SLC22A23: variants seen among roughly 807,000 people sequenced by gnomAD.
SLC22A23 encodes the protein solute carrier family 22 member 23, also known as ion transporter protein.
SLC22A23 carries 26 observed loss-of-function variants against 61.0 expected under a neutral mutation model. The observed-to-expected ratio is 0.43, with a 90% CI of 0.31 to 0.59. The LOEUF is 0.59. Among genes scored for constraint, SLC22A23 ranks in the 20% least tolerant of loss-of-function variants. SLC22A23 has a pLI of 0.11. For synonymous variants in SLC22A23, 430 were observed against 413.9 expected, an observed-to-expected ratio of 1.04 and a Z score of -0.47; for missense variants, 796 against 934.7, an observed-to-expected ratio of 0.85 and a Z score of 1.94.
intron 3 of SLC22A23, among the ~76,000 whole-genome samples, chr6:3,374,939 C>G (rs940238695): frequency 6.6e-6 from 1 of 152,132 alleles, no homozygotes; most frequent in African/African-American, 2.4e-5. Flanking sequence ...TTTTAAGAAC[C>G]ATTTCTAAAG....
chr6:3,358,258 A>C (rs1765232198), intron 3 of SLC22A23, among the ~76,000 whole-genome samples: 1 of 151,532 alleles, frequency 6.6e-6, no homozygotes, highest in Admixed American at 6.6e-5. Context: ...ATCTCAAAGC[A>C]CTTGACGTGA....
At chr6:3,302,225 A>G (rs1399093201) in intron 4 of SLC22A23, among the ~76,000 whole-genome samples, 1 of 152,172 alleles carries the variant, frequency 6.6e-6, no homozygotes, top group Admixed American at 6.5e-5. Flanking sequence ...ATTGGCATAT[A>G]GGTATTCATA....
intron 9 of SLC22A23, chr6:3,283,422 A>C (rs1303957253): frequency 3.8e-6 from 1 of 264,634 alleles, no homozygotes; most frequent in Non-Finnish European, 7.6e-6. Flanking sequence ...ATAAGAGTGA[A>C]ACTCCATCTC....
chr6:3,443,297 T>C (rs1771713013), intron 1 of SLC22A23, among the ~76,000 whole-genome samples: 1 of 152,154 alleles, frequency 6.6e-6, no homozygotes, highest in African/African-American at 2.4e-5. Context: ...TGGCCCTGAC[T>C]AGAAGAAATG....
intron 3 of SLC22A23, among the ~76,000 whole-genome samples, chr6:3,382,504 A>T (rs1157609562): frequency 6.6e-6 from 1 of 152,230 alleles, no homozygotes; most frequent in East Asian, 1.9e-4. Flanking sequence ...AGACTGGGCG[A>T]GTCCCCCTGG....
intron 4 of SLC22A23, 133 bp from the exon 5 acceptor site, chr6:3,298,351 G>T: frequency 9.9e-7 from 1 of 1,007,702 alleles, no homozygotes; most frequent in Non-Finnish European, 1.4e-6. Context: ...GCCCAATCAG[G>T]GGAGATAAAA....
At position 3,372,240 on chromosome 6, in the gene SLC22A23, G is replaced by A. The variant is rs147004049; in HGVS notation, c.913+37948C>T. On this transcript the variant is annotated intron_variant, in intron 3 of 9. Coordinates refer to ENST00000406686, the MANE Select transcript of SLC22A23 (RefSeq NM_015482.2). This position sits in a 1 kb window ranked among gnomAD's most constrained non-coding sequence, Gnocchi z 4.7. Reference sequence around the variant, plus strand: ...GGGAAGGGCAAGGAAGTCTGAAGCAGGGTAAACACCATCGGGCCAGTAAAT... The same window carrying A: ...GGGAAGGGCAAGGAAGTCTGAAGCAAGGTAAACACCATCGGGCCAGTAAAT... Among the ~76,000 whole-genome samples, 52 of 152,350 alleles carry A rather than the reference G, an allele frequency of 3.4e-4. No individual in the cohort carries two copies. Among genetic ancestry groups the A allele is most frequent in the Non-Finnish European group, 7.1e-4 (48 of 68,036 alleles).
intron 3 of SLC22A23, among the ~76,000 whole-genome samples, chr6:3,331,932 A>C (rs2127410297): frequency 6.6e-6 from 1 of 152,334 alleles, no homozygotes; most frequent in Middle Eastern, 3.4e-3. Flanking sequence ...AGCACAGCTT[A>C]CCACCCAGGT....
chr6:3,285,737 G>A (rs6914277), intron 7 of SLC22A23, among the ~76,000 whole-genome samples: 4,041 of 152,348 alleles, frequency 0.027, 194 homozygotes, highest in African/African-American at 0.091. Flanking sequence ...AACTGTCCAA[G>A]TTAGAAAGCT....
chr6:3,393,502 G>A (rs1767800938), intron 3 of SLC22A23, among the ~76,000 whole-genome samples: 1 of 152,196 alleles, frequency 6.6e-6, no homozygotes, highest in Admixed American at 6.5e-5. Context: ...CATTTGCCTT[G>A]ATGCTGCAGG....
intron 6 of SLC22A23, 72 bp from the exon 7 acceptor site, chr6:3,287,163 C>T (rs1344870531): frequency 9.8e-6 from 14 of 1,434,960 alleles, no homozygotes; most frequent in East Asian, 4.8e-5. Flanking sequence ...CCTGGGAGTT[C>T]GTGCTGTCAG....
chr6:3,386,688 G>A lies in SLC22A23; in HGVS notation c.913+23500C>T, dbSNP rs1581795673. 6.6e-6 allele frequency among the ~76,000 whole-genome samples: 1 copy of A among 152,222 alleles called. No homozygotes were observed. Among genetic ancestry groups the A allele is most frequent in the East Asian group, 1.9e-4 (1 of 5,190 alleles). On this transcript the variant is annotated intron_variant, in intron 3 of 9. Transcript: ENST00000406686. The surrounding 1 kb of genome is among the most constrained non-coding windows in gnomAD (Gnocchi z 4.4). ...CTACAGATGAAAAGAGTGAATCCAGGACTGCCGGGGACCTGCCCCAGGGTC... is the reference window on the plus strand; with the variant it reads ...CTACAGATGAAAAGAGTGAATCCAGAACTGCCGGGGACCTGCCCCAGGGTC...
At chr6:3,368,085 C>G (rs1006068638) in intron 3 of SLC22A23, among the ~76,000 whole-genome samples, 4 of 152,218 alleles carry the variant, frequency 2.6e-5, no homozygotes, top group African/African-American at 9.7e-5. Context: ...TGGGAAGTCA[C>G]AACCACTCAC....
intron 5 of SLC22A23, among the ~76,000 whole-genome samples, chr6:3,295,232 G>A (rs76614604): frequency 5.8e-4 from 88 of 152,330 alleles, no homozygotes; most frequent in African/African-American, 2.1e-3. Context: ...GGGGAAGCGG[G>A]GAGAAGTGCT....
At position 3,372,808 on chromosome 6, in the gene SLC22A23, A is replaced by T. The variant is rs1192417001; in HGVS notation, c.913+37380T>A. 6.6e-6 allele frequency among the ~76,000 whole-genome samples: 1 copy of T among 152,208 alleles called. No homozygotes were observed. The highest frequency in any genetic ancestry group is 3.2e-3 in the Middle Eastern group (1 of 316). ...TTTTTATTTCACAATGTCGATCTCA[A>T]ATCTCTTTCTCTTCATTATATTTCA... On this transcript the variant is annotated intron_variant, in intron 3 of 9. Coordinates refer to ENST00000406686, the MANE Select transcript of SLC22A23 (RefSeq NM_015482.2). This position sits in a 1 kb window ranked among gnomAD's most constrained non-coding sequence, Gnocchi z 4.7.
chr6:3,350,207 G>A (rs116385034), intron 3 of SLC22A23, among the ~76,000 whole-genome samples: 16 of 152,150 alleles, frequency 1.1e-4, no homozygotes, highest in Non-Finnish European at 2.4e-4. Context: ...GGACCCACCC[G>A]ATGGATTCTA....
chr6:3,307,700 C>T (rs985454953), intron 4 of SLC22A23, among the ~76,000 whole-genome samples: 3 of 152,240 alleles, frequency 2.0e-5, no homozygotes, highest in Non-Finnish European at 4.4e-5. Context: ...CGGTGTGACA[C>T]TGTCCACAGC....
At position 3,370,726 on chromosome 6, in the gene SLC22A23, G is replaced by A. The variant is rs77832480; in HGVS notation, c.913+39462C>T. ...TGCAAACATTTAATGCAGAGAAAAC[G>A]TCAATTGTGGTTTGGCTTCAATAAC... On this transcript the variant is annotated intron_variant, in intron 3 of 9. Transcript: ENST00000406686. 9.3e-4 allele frequency among the ~76,000 whole-genome samples: 142 copies of A among 152,206 alleles called. 3 individuals carry two copies. The highest frequency in any genetic ancestry group is 8.5e-4 in the Admixed American group (13 of 15,286).
intron 3 of SLC22A23, among the ~76,000 whole-genome samples, chr6:3,392,171 C>T (rs1018457292): frequency 6.6e-6 from 1 of 152,168 alleles, no homozygotes. Context: ...TGAGATCTGG[C>T]CAATGGGATG....
Sources: gnomAD v4.1 joint callset for allele counts (sites outside exome capture counted in the v4.1 genomes callset) on GRCh38, gnomAD v4.1.1 for gene constraint, Gnocchi (gnomAD v3.1) non-coding constraint, MANE v1.5 for transcripts, NCBI Gene and HGNC (gene_info 2026-07-23, HGNC 2026-07-21) for gene names.